PITPNC1: variants seen among roughly 807,000 people sequenced by gnomAD.
The protein encoded by PITPNC1 is cytoplasmic phosphatidylinositol transfer protein 1.
Under a neutral mutation model 44.7 loss-of-function variants are expected in PITPNC1, and 18 were observed. That is an observed-to-expected ratio of 0.40 (90% confidence interval 0.28 to 0.60). The LOEUF (loss-of-function observed/expected upper bound fraction) is 0.60. Ranked by LOEUF, PITPNC1 falls within the 20% of genes least tolerant of loss-of-function variation. PITPNC1 has a pLI of 0.39. For synonymous variants in PITPNC1, 141 were observed against 149.6 expected (o/e 0.94, Z 0.42); for missense variants, 290 against 418.4 (o/e 0.69, Z 2.68).
At chr17:67,561,050 G>T (rs2040900351) in intron 4 of PITPNC1, among the ~76,000 whole-genome samples, 1 of 152,160 alleles carries the variant, frequency 6.6e-6, no homozygotes, top group Non-Finnish European at 1.5e-5. Context: ...GTTCAGCTCA[G>T]TTGTTGAGAT....
intron 1 of PITPNC1, among the ~76,000 whole-genome samples, chr17:67,476,963 G>A (rs1424580887): frequency 4.6e-5 from 7 of 152,332 alleles, no homozygotes; most frequent in Admixed American, 2.0e-4. Flanking sequence ...CTCTGAATCA[G>A]AACCTGCATT....
At chr17:67,583,865 T>TTGTGTGTGTGTGTGTG (rs771258752) in intron 5 of PITPNC1, among the ~76,000 whole-genome samples, 4 of 118,344 alleles carry the variant, frequency 3.4e-5, no homozygotes, top group East Asian at 2.4e-4. Context: ...CTGGCTAATT[T>TTGTGTGTGTGTGTGTG]TGTGTGTGTG....
chr17:67,691,102 CAAATAAATAAATAAAT>C (rs71864063), intron 8 of PITPNC1, among the ~76,000 whole-genome samples: 1 of 148,978 alleles, frequency 6.7e-6, no homozygotes, highest in Non-Finnish European at 1.5e-5. Flanking sequence ...GACTCTATCT[CAAATAAATAAATAAAT>C]AAATAAATAA....
chr17:67,432,541 TAAAAC>T (rs1202516752), intron 1 of PITPNC1, among the ~76,000 whole-genome samples: 2 of 151,788 alleles, frequency 1.3e-5, no homozygotes, highest in Non-Finnish European at 2.9e-5. Flanking sequence ...TAAAATAAAA[TAAAAC>T]TAATGATAAC....
intron 1 of PITPNC1, among the ~76,000 whole-genome samples, chr17:67,444,138 C>T (rs953518363): frequency 3.3e-5 from 5 of 152,036 alleles, no homozygotes; most frequent in South Asian, 2.1e-4. Context: ...CATACTGCCC[C>T]GCTCTGCTAC....
chr17:67,505,757 G>A (rs2040092909), intron 1 of PITPNC1, among the ~76,000 whole-genome samples: 1 of 152,112 alleles, frequency 6.6e-6, no homozygotes, highest in African/African-American at 2.4e-5. Context: ...TTACAGACGT[G>A]AGCCACCGCG....
chr17:67,458,488 T>C (rs2039287373), intron 1 of PITPNC1, among the ~76,000 whole-genome samples: 1 of 152,198 alleles, frequency 6.6e-6, no homozygotes, highest in Non-Finnish European at 1.5e-5. Context: ...TTTAAAATTA[T>C]AATATTTATT....
At chr17:67,503,760 C>T (rs556685708) in intron 1 of PITPNC1, among the ~76,000 whole-genome samples, 1 of 152,156 alleles carries the variant, frequency 6.6e-6, no homozygotes, top group African/African-American at 2.4e-5. Context: ...GAAGAACATA[C>T]AATGGATTGG....
At chr17:67,497,445 TTAA>T (rs2039967931) in intron 1 of PITPNC1, among the ~76,000 whole-genome samples, 1 of 150,946 alleles carries the variant, frequency 6.6e-6, no homozygotes, top group Non-Finnish European at 1.5e-5. Context: ...CTTTATTTTC[TTAA>T]TGATGGACAT....
rs138975082 is a variant in PITPNC1 at position 67,388,551 on chromosome 17, A to G, written c.48+10349A>G. Among the ~76,000 whole-genome samples, 27 of 151,876 alleles carry G rather than the reference A, an allele frequency of 1.8e-4. No individual in the cohort carries two copies. In the East Asian group the frequency reaches 5.0e-3, roughly 28 times the overall value. ...TGGCCAGGCTGGCCTTGAACTCCTG[A>G]CCTAGTGATCCACCTGTCTTGGCCT... is the stretch of plus-strand genomic sequence containing the variant. On this transcript the variant is annotated intron_variant, in intron 1 of 8. Transcript: ENST00000581322.
chr17:67,500,614 A>C (rs1313898265), intron 1 of PITPNC1, among the ~76,000 whole-genome samples: 2 of 152,108 alleles, frequency 1.3e-5, no homozygotes, highest in Middle Eastern at 3.2e-3. Flanking sequence ...CTACACTTTA[A>C]AAGGACAAAT....
intron 4 of PITPNC1, among the ~76,000 whole-genome samples, chr17:67,566,549 C>T (rs1228062899): frequency 1.3e-5 from 2 of 152,152 alleles, no homozygotes; most frequent in Non-Finnish European, 2.9e-5. Context: ...TAACCTAAGC[C>T]ATTATATTTC....
intron 1 of PITPNC1, among the ~76,000 whole-genome samples, chr17:67,466,784 TG>T (rs2039433998): frequency 6.6e-6 from 1 of 152,096 alleles, no homozygotes; most frequent in Non-Finnish European, 1.5e-5. Flanking sequence ...GGCAGGAGGT[TG>T]GGCTGGGAGA....
chr17:67,393,453 G>A (rs867385819), intron 1 of PITPNC1, among the ~76,000 whole-genome samples: 19 of 150,628 alleles, frequency 1.3e-4, no homozygotes, highest in Middle Eastern at 3.4e-3. Flanking sequence ...CTCATTCATC[G>A]TTTCTTGAAA....
intron 1 of PITPNC1, among the ~76,000 whole-genome samples, chr17:67,514,707 T>C (rs1341076521): frequency 2.6e-5 from 4 of 152,040 alleles, no homozygotes; most frequent in Non-Finnish European, 5.9e-5. Flanking sequence ...GTGCCTGTAG[T>C]CCCAGCTACT....
At chr17:67,397,530 C>A (rs2038237918) in intron 1 of PITPNC1, among the ~76,000 whole-genome samples, 1 of 152,036 alleles carries the variant, frequency 6.6e-6, no homozygotes. Flanking sequence ...GGAGAAATGA[C>A]GTCGGGGGTT....
intron 1 of PITPNC1, among the ~76,000 whole-genome samples, chr17:67,403,217 AC>A (rs2038347386): frequency 8.2e-6 from 1 of 121,736 alleles, no homozygotes. Context: ...CCTCATCTCT[AC>A]AAAAAAAAAA....
At chr17:67,428,381 AAAAC>A (rs959380155) in intron 1 of PITPNC1, among the ~76,000 whole-genome samples, 5 of 152,080 alleles carry the variant, frequency 3.3e-5, no homozygotes, top group Non-Finnish European at 5.9e-5. Context: ...TAAAAAATAA[AAAAC>A]AAAAATTAGC....
intron 6 of PITPNC1, among the ~76,000 whole-genome samples, chr17:67,654,459 A>T (rs1176603386): frequency 6.6e-6 from 1 of 152,154 alleles, no homozygotes; most frequent in Non-Finnish European, 1.5e-5. Flanking sequence ...CTTTCTTTGG[A>T]GGAGCTTAAT....
Sources: gnomAD v4.1 joint callset for allele counts (sites outside exome capture counted in the v4.1 genomes callset) on GRCh38, gnomAD v4.1.1 for gene constraint, MANE v1.5 for transcripts, NCBI Gene and HGNC (gene_info 2026-07-23, HGNC 2026-07-21) for gene names.